The following LRP1B variants were observed in gnomAD, a reference collection of about 807,000 sequenced individuals.
LRP1B encodes the protein LDL receptor related protein 1B.
A neutral mutation model predicts 556.6 loss-of-function variants in LRP1B; 217 were observed. The observed-to-expected ratio is 0.39, with a 90% CI of 0.35 to 0.44. The LOEUF (loss-of-function observed/expected upper bound fraction) is 0.44, where lower values mean the gene tolerates loss of function less well. LRP1B is among the 20% of genes least tolerant of loss of function. The probability of loss-of-function intolerance (pLI) is 1.00; values close to 1 mark genes in which losing one functional copy is unlikely to be tolerated. For missense variants in LRP1B, 5,053 were observed against 5,620.8 expected (o/e 0.90, Z 3.23); for synonymous variants, 2,047 against 1,865.8 (o/e 1.10, Z -2.50).
intron 74 of LRP1B, 124 bp from the exon 75 acceptor site, chr2:140,356,600 G>T: frequency 4.7e-6 from 3 of 638,124 alleles, no homozygotes; most frequent in South Asian, 4.1e-5. Context: ...AATGTACAAG[G>T]TTACGGTCTT....
At chr2:141,173,055 TA>T (rs5834814) in intron 7 of LRP1B, among the ~76,000 whole-genome samples, 61,347 of 146,740 alleles carry the variant, frequency 0.42, 13,354 homozygotes, top group Middle Eastern at 0.54. Flanking sequence ...GCTTTAAAAT[TA>T]AAAAAAAAAA....
intron 2 of LRP1B, among the ~76,000 whole-genome samples, chr2:141,534,766 AT>A: frequency 6.6e-6 from 1 of 152,192 alleles, no homozygotes; most frequent in Non-Finnish European, 1.5e-5. Context: ...GTTGTACTGC[AT>A]TTTAATTCCC....
intron 25 of LRP1B, among the ~76,000 whole-genome samples, chr2:140,873,302 A>T (rs762966012): frequency 8.5e-5 from 13 of 152,236 alleles, no homozygotes; most frequent in Non-Finnish European, 1.6e-4. Context: ...TAAGACATTA[A>T]TATTATTTTA....
At chr2:140,563,172 T>TCA (rs3061360) in intron 43 of LRP1B, among the ~76,000 whole-genome samples, 2,673 of 150,332 alleles carry the variant, frequency 0.018, 75 homozygotes, top group African/African-American at 0.062. Flanking sequence ...CTCTATTATT[T>TCA]CACACACACA....
At chr2:140,513,607 C>G (rs1487801103) in intron 51 of LRP1B, among the ~76,000 whole-genome samples, 1 of 150,664 alleles carries the variant, frequency 6.6e-6, no homozygotes, top group African/African-American at 2.4e-5. Context: ...GACTTAAATA[C>G]AAGAAAGTAA....
intron 2 of LRP1B, among the ~76,000 whole-genome samples, chr2:141,487,849 T>C (rs1274668411): frequency 6.6e-6 from 1 of 152,172 alleles, no homozygotes; most frequent in African/African-American, 2.4e-5. Flanking sequence ...GATCAAAGAC[T>C]TGAATCTGAG....
chr2:141,068,210 G>A (rs1209349957), intron 7 of LRP1B, among the ~76,000 whole-genome samples: 5 of 151,922 alleles, frequency 3.3e-5, no homozygotes, highest in Admixed American at 6.6e-5. Context: ...GTAAATACCC[G>A]GGGTTCATAG....
chr2:142,063,765 T>C (rs1241290470), intron 1 of LRP1B, among the ~76,000 whole-genome samples: 3 of 151,602 alleles, frequency 2.0e-5, no homozygotes, highest in East Asian at 3.9e-4. Context: ...AGAGAAATAC[T>C]GTTAAAATTT....
intron 31 of LRP1B, among the ~76,000 whole-genome samples, chr2:140,837,944 TAAAA>T (rs200901865): frequency 6.6e-6 from 1 of 150,962 alleles, no homozygotes; most frequent in Non-Finnish European, 1.5e-5. Flanking sequence ...AAAGTATAAT[TAAAA>T]AAAAATATAT....
chr2:140,701,665 A>T (rs1686646339), intron 40 of LRP1B, 56 bp downstream of exon 40: 2 of 1,521,400 alleles, frequency 1.3e-6, no homozygotes, highest in Non-Finnish European at 8.9e-7. Flanking sequence ...GTTTTTAAAA[A>T]TTGGAGAGAA....
At chr2:140,750,471 C>A (rs1440090607) in intron 35 of LRP1B, among the ~76,000 whole-genome samples, 1 of 152,032 alleles carries the variant, frequency 6.6e-6, no homozygotes, top group Non-Finnish European at 1.5e-5. Flanking sequence ...TTTATATGTG[C>A]AAACATATGT....
intron 2 of LRP1B, among the ~76,000 whole-genome samples, chr2:141,797,945 C>T (rs901211390): frequency 4.6e-5 from 7 of 152,082 alleles, no homozygotes; most frequent in African/African-American, 1.4e-4. Context: ...GACTAGAAAC[C>T]TATGACAATT....
intron 43 of LRP1B, among the ~76,000 whole-genome samples, chr2:140,590,399 A>G (rs1682171950): frequency 6.6e-6 from 1 of 151,342 alleles, no homozygotes; most frequent in Admixed American, 6.6e-5. Flanking sequence ...TATAGTGGCT[A>G]TGGACTGAAC....
intron 62 of LRP1B, among the ~76,000 whole-genome samples, chr2:140,452,926 C>T (rs1362012737): frequency 7.0e-6 from 1 of 143,676 alleles, no homozygotes; most frequent in African/African-American, 2.6e-5. Context: ...TCCATATTTG[C>T]TTAGCTTGTA....
intron 29 of LRP1B, among the ~76,000 whole-genome samples, chr2:140,849,671 C>T (rs1399933786): frequency 6.6e-6 from 1 of 151,978 alleles, no homozygotes; most frequent in Non-Finnish European, 1.5e-5. Context: ...TCCCAAGTAG[C>T]TGGGATTACA....
intron 84 of LRP1B, among the ~76,000 whole-genome samples, chr2:140,285,194 T>G (rs1252400852): frequency 1.3e-5 from 2 of 150,198 alleles, no homozygotes; most frequent in Non-Finnish European, 3.0e-5. Context: ...CATCTATATC[T>G]ATATATGGAT....
intron 1 of LRP1B, among the ~76,000 whole-genome samples, chr2:142,061,127 A>C (rs571937883): frequency 6.6e-6 from 1 of 152,150 alleles, no homozygotes; most frequent in Non-Finnish European, 1.5e-5. Flanking sequence ...TTACAGATTC[A>C]ATGTACTTTT....
intron 3 of LRP1B, among the ~76,000 whole-genome samples, chr2:141,257,903 TA>T (rs76865068): frequency 0.14 from 21,435 of 152,222 alleles, 1,526 homozygotes; most frequent in South Asian, 0.21. Flanking sequence ...TGCAATGCTA[TA>T]ATGACTATAA....
chr2:141,179,892 CTTT>C (rs11433781), intron 7 of LRP1B, among the ~76,000 whole-genome samples: 36 of 125,970 alleles, frequency 2.9e-4, no homozygotes, highest in African/African-American at 8.3e-4. Context: ...TTGGTTTTTC[CTTT>C]TTTTTTTTTT....
Sources: allele counts gnomAD v4.1 joint callset (sites outside exome capture counted in the v4.1 genomes callset), GRCh38; gene constraint gnomAD v4.1.1; transcripts MANE v1.5; gene names NCBI Gene and HGNC (gene_info 2026-07-23, HGNC 2026-07-21).